The following UBAC2 variants were observed in gnomAD, a reference collection of about 807,000 sequenced individuals.
UBAC2 encodes the protein ubiquitin-associated domain-containing protein 2.
UBAC2 carries 26 observed loss-of-function variants against 44.0 expected under a neutral mutation model. The observed-to-expected ratio is 0.59, with a 90% confidence interval of 0.43 to 0.82. UBAC2 has a LOEUF of 0.82. UBAC2 is among the 40% of genes least tolerant of loss of function. The pLI, the probability that UBAC2 is intolerant of heterozygous loss-of-function variation, is 0.00. For missense variants in UBAC2, 329 were observed against 419.4 expected (o/e 0.78, Z 1.88); for synonymous variants, 155 against 154.3 (o/e 1.00, Z -0.04).
intron 7 of UBAC2, among the ~76,000 whole-genome samples, chr13:99,360,964 G>T (rs112077589): frequency 1.3e-5 from 2 of 152,150 alleles, no homozygotes; most frequent in South Asian, 2.1e-4. Flanking sequence ...TCAGCCACCC[G>T]TGAGCTCTTC....
chr13:99,203,072 C>T lies in UBAC2; in HGVS notation c.31+2133C>T, dbSNP rs1225234167. Among the ~76,000 whole-genome samples the T allele has an allele frequency of 7.7e-5, 11 of 142,512 alleles. No individual in the cohort carries two copies. In the East Asian group the frequency reaches 2.3e-3, roughly 30 times the overall value. 93.5% of individuals were successfully genotyped at this position (142,512 alleles called of 152,430 possible). A position where few individuals can be genotyped will look rare whatever the true frequency, so the allele number is the denominator to read the frequency against. On this transcript the variant is annotated intron_variant, in intron 1 of 8. Coordinates refer to ENST00000403766, the MANE Select transcript of UBAC2 (RefSeq NM_001144072.2). Reference sequence around the variant, plus strand: ...ATTTATTTATTGAGATGGAGTCTCACTGTTGCCCAGGCTGGAGTGCAGTGG... The same window carrying T: ...ATTTATTTATTGAGATGGAGTCTCATTGTTGCCCAGGCTGGAGTGCAGTGG...
chr13:99,301,820 A>T (rs1198187951), intron 4 of UBAC2, among the ~76,000 whole-genome samples: 1 of 152,240 alleles, frequency 6.6e-6, no homozygotes, highest in Non-Finnish European at 1.5e-5. Context: ...CAGAAACAGA[A>T]CAAAACCTTT....
intron 6 of UBAC2, among the ~76,000 whole-genome samples, chr13:99,339,310 T>C (rs1223493528): frequency 2.0e-5 from 3 of 152,250 alleles, no homozygotes; most frequent in African/African-American, 7.2e-5. Flanking sequence ...TGTCCCCCGC[T>C]GCCCCCAGAG....
intron 4 of UBAC2, among the ~76,000 whole-genome samples, chr13:99,302,330 A>G (rs1725686168): frequency 6.6e-6 from 1 of 152,218 alleles, no homozygotes; most frequent in Admixed American, 6.5e-5. Flanking sequence ...GGAAGATGAA[A>G]GCTCAGGGTT....
At chr13:99,309,550 G>T (rs2044384562) in intron 4 of UBAC2, among the ~76,000 whole-genome samples, 2 of 152,090 alleles carry the variant, frequency 1.3e-5, no homozygotes. Flanking sequence ...AAGTTACCAG[G>T]GTTTCTTGAG....
intron 1 of UBAC2, among the ~76,000 whole-genome samples, chr13:99,226,055 C>T (rs185017546): frequency 6.6e-6 from 1 of 152,302 alleles, no homozygotes; most frequent in East Asian, 1.9e-4. Context: ...AGGACTTCAT[C>T]CCTGAAGGAG....
Position 99,295,698 on chromosome 13 carries a change from C to G in UBAC2, c.390-18399C>G. ...AGAATCCAGACAAATATGCACACGC[C>G]TTTTGCATGTTCAATCCTTTTTATC... is the stretch of plus-strand genomic sequence containing the variant. On this transcript the variant is annotated intron_variant, in intron 4 of 8. Transcript: ENST00000403766. The surrounding 1 kb of genome is among the most constrained non-coding windows in gnomAD (Gnocchi z 4.1). The G allele has an allele frequency of 6.2e-7, 1 of 1,614,122 alleles. No individual in the cohort carries two copies.
intron 6 of UBAC2, among the ~76,000 whole-genome samples, chr13:99,322,875 G>A (rs1005465145): frequency 6.6e-6 from 1 of 152,196 alleles, no homozygotes; most frequent in Non-Finnish European, 1.5e-5. Flanking sequence ...TCTGGAGGGA[G>A]TCAAGACAGC....
chr13:99,214,514 G>C (rs917569951), intron 1 of UBAC2, among the ~76,000 whole-genome samples: 2 of 152,092 alleles, frequency 1.3e-5, no homozygotes, highest in Admixed American at 1.3e-4. Context: ...GGTGGTGGGG[G>C]AAGCAGGACT....
chr13:99,359,398 A>G (rs941844233), intron 7 of UBAC2, among the ~76,000 whole-genome samples: 28 of 152,280 alleles, frequency 1.8e-4, no homozygotes, highest in African/African-American at 6.7e-4. Context: ...TAGATGTGAT[A>G]ATTTTGTGAT....
Position 99,295,729 on chromosome 13 carries a change from G to A in UBAC2, c.390-18368G>A. 6.2e-7 allele frequency: 1 copy of A among 1,614,092 alleles called. No homozygotes were observed. ...CATGTTCAATCCTTTTTATCTTGTTGTAGCGTAGAGGGTGCACCACAGCAA... is the reference window on the plus strand; with the variant it reads ...CATGTTCAATCCTTTTTATCTTGTTATAGCGTAGAGGGTGCACCACAGCAA... On this transcript the variant is annotated intron_variant, in intron 4 of 8. Coordinates refer to ENST00000403766, the MANE Select transcript of UBAC2 (RefSeq NM_001144072.2). This position sits in a 1 kb window ranked among gnomAD's most constrained non-coding sequence, Gnocchi z 4.1.
rs538262770 is a variant in UBAC2, at chr13:99,298,295, T to C, written c.390-15802T>C. Among the ~76,000 whole-genome samples the C allele has an allele frequency of 2.4e-3, 363 of 152,290 alleles. 4 individuals are homozygous for C. The highest frequency in any genetic ancestry group is 0.011 in the South Asian group (52 of 4,830). ...ACTCAAAGCTTTCAGAAAATAGTTA[T>C]TTTCTGATCACATTGCTTGACTACA... On this transcript the variant is annotated intron_variant, in intron 4 of 8. Transcript: ENST00000403766.
intron 6 of UBAC2, among the ~76,000 whole-genome samples, chr13:99,329,581 C>G (rs1381974861): frequency 6.6e-6 from 1 of 152,246 alleles, no homozygotes; most frequent in Non-Finnish European, 1.5e-5. Flanking sequence ...TGTCTTTACT[C>G]TCTCCTGGAT....
intron 6 of UBAC2, among the ~76,000 whole-genome samples, chr13:99,339,084 C>A (rs902913264): frequency 6.6e-6 from 1 of 152,156 alleles, no homozygotes; most frequent in South Asian, 2.1e-4. Context: ...CTCTGAAATC[C>A]TTATCTCGAC....
chr13:99,354,718 C>T (rs1190047823), intron 7 of UBAC2, among the ~76,000 whole-genome samples: 1 of 152,152 alleles, frequency 6.6e-6, no homozygotes, highest in Non-Finnish European at 1.5e-5. Context: ...AGGACAGACT[C>T]AGACAGGATG....
At chr13:99,320,931 A>G (rs890831822) in intron 6 of UBAC2, among the ~76,000 whole-genome samples, 3 of 152,250 alleles carry the variant, frequency 2.0e-5, no homozygotes, top group Non-Finnish European at 2.9e-5. Flanking sequence ...TTTTGGGGAG[A>G]TATTTATGCT....
At chr13:99,315,359 C>G (rs1215572485) in intron 5 of UBAC2, among the ~76,000 whole-genome samples, 1 of 152,180 alleles carries the variant, frequency 6.6e-6, no homozygotes, top group East Asian at 1.9e-4. Flanking sequence ...CTCAGGAGAC[C>G]CAAGTTCTAG....
chr13:99,320,514 A>G (rs1159102153), intron 6 of UBAC2, among the ~76,000 whole-genome samples: 1 of 152,210 alleles, frequency 6.6e-6, no homozygotes, highest in African/African-American at 2.4e-5. Flanking sequence ...CCGGCCTTCT[A>G]CTATGACAAA....
chr13:99,224,278 A>G (rs967936087), intron 1 of UBAC2, among the ~76,000 whole-genome samples: 3 of 152,138 alleles, frequency 2.0e-5, no homozygotes, highest in Non-Finnish European at 2.9e-5. Context: ...GACATGTCAC[A>G]TTGAATTAGG....
Sources: allele counts gnomAD v4.1 joint callset (sites outside exome capture counted in the v4.1 genomes callset), GRCh38; gene constraint gnomAD v4.1.1; non-coding constraint Gnocchi (gnomAD v3.1); transcripts MANE v1.5; gene names NCBI Gene and HGNC (gene_info 2026-07-23, HGNC 2026-07-21).